STS: variants seen among roughly 807,000 people sequenced by gnomAD.
STS encodes steroid sulfatase, also known as steryl-sulfatase.
A neutral mutation model predicts 26.8 loss-of-function variants in STS; 7 were observed. The ratio of observed to expected loss-of-function variants is 0.26; its 90% confidence interval spans 0.15 to 0.49. STS has a LOEUF of 0.49. Among genes scored for constraint, STS ranks in the 20% least tolerant of loss-of-function variants. STS has a pLI of 0.98. For missense variants in STS, 434 were observed against 465.6 expected, an observed-to-expected ratio of 0.93 and a Z score of 0.63; for synonymous variants, 199 against 189.4, an observed-to-expected ratio of 1.05 and a Z score of -0.42.
rs960433357 is a variant in STS at position 7,191,009 on chromosome X, G to A, written c.-5+1G>A. On this transcript the variant is annotated splice_donor_variant, in intron 2 of 10. Transcript: ENST00000674429. LOFTEE classifies it low-confidence loss of function (5UTR_SPLICE). ...AAGATCGTCTTCAGCTGTTCATAGC[G>A]TAAGTATGAGAGGTGCATATGTTTG... 1.2e-4 allele frequency: 92 copies of A among 750,233 alleles called. 1 individual carries two copies. Among genetic ancestry groups the A allele is most frequent in the Admixed American group, 1.8e-4 (2 of 11,252 alleles). The allele number at this position is 750,233 out of a possible 1,213,427, so 61.8% of individuals were successfully genotyped here. A position where few individuals can be genotyped will look rare whatever the true frequency, so the allele number is the denominator to read the frequency against.
intron 2 of STS, among the ~76,000 whole-genome samples, chrX:7,251,727 G>A (rs113060963): frequency 0.02 from 2,285 of 111,730 alleles, 49 homozygotes; most frequent in African/African-American, 0.068. Flanking sequence ...AGACTGACAT[G>A]GGAGGATCAC....
intron 2 of STS, among the ~76,000 whole-genome samples, chrX:7,209,590 ATAT>A (rs1376615486): frequency 1.9e-5 from 2 of 106,904 alleles, no homozygotes; most frequent in African/African-American, 6.7e-5. Flanking sequence ...ATTTATTTTC[ATAT>A]TATTTATTTT....
At chrX:7,275,223 T>C (rs1197719759) in intron 6 of STS, among the ~76,000 whole-genome samples, 1 of 111,641 alleles carries the variant, frequency 9.0e-6, no homozygotes, top group Non-Finnish European at 1.9e-5. Flanking sequence ...TGGGGATGTA[T>C]TGCATTACAT....
At chrX:7,270,412 T>G (rs145766615) in intron 6 of STS, among the ~76,000 whole-genome samples, 1 of 111,709 alleles carries the variant, frequency 9.0e-6, no homozygotes, top group African/African-American at 3.3e-5. Flanking sequence ...GCACAGGCTG[T>G]CAGTTACACC....
At chrX:7,200,606 G>A (rs753404326) in intron 2 of STS, among the ~76,000 whole-genome samples, 2 of 111,158 alleles carry the variant, frequency 1.8e-5, no homozygotes, top group African/African-American at 3.3e-5. Context: ...ATGATTTTTC[G>A]TTTGTGTGTT....
chrX:7,262,924 G>A (rs898608412), intron 6 of STS, among the ~76,000 whole-genome samples: 10 of 112,155 alleles, frequency 8.9e-5, no homozygotes, highest in Non-Finnish European at 1.7e-4. Context: ...TTATAGATAG[G>A]TGTAAACTAA....
intron 2 of STS, among the ~76,000 whole-genome samples, chrX:7,250,697 G>C (rs1475809325): frequency 8.9e-6 from 1 of 112,393 alleles, no homozygotes; most frequent in African/African-American, 3.2e-5. Context: ...ATATCTGTTT[G>C]AACATGTTAA....
At chrX:7,169,952 C>T (rs185550608) in intron 1 of STS, among the ~76,000 whole-genome samples, 18 of 110,512 alleles carry the variant, frequency 1.6e-4, no homozygotes, top group African/African-American at 5.6e-4. Flanking sequence ...GGTGAGCTGA[C>T]TTAGTGCTCA....
rs1249802492 is a variant in STS at position 7,227,165 on chromosome X, C to G, written c.-4-26031C>G. Among the ~76,000 whole-genome samples, 5 of 111,280 alleles carry G rather than the reference C, an allele frequency of 4.5e-5. No homozygotes were observed. In the Admixed American group the frequency reaches 4.8e-4, roughly 11 times the overall value. On this transcript the variant is annotated intron_variant, in intron 2 of 10. Transcript: ENST00000674429. Reference sequence around the variant, plus strand: ...ATTCCTTTTTTATTATTGATTTGTTCTTTACATATTCTGGATATAAATCCT... The same window carrying G: ...ATTCCTTTTTTATTATTGATTTGTTGTTTACATATTCTGGATATAAATCCT...
At position 7,150,740 on chromosome X, in the gene STS, T is replaced by TA. The variant is rs1253920959; in HGVS notation, c.-134+2670dup. On this transcript the variant is annotated intron_variant, in intron 1 of 10. Coordinates refer to ENST00000674429, the MANE Select transcript of STS (RefSeq NM_001320752.2). ...ATAAGATGGAAGACTCCTCTTTGCT[T>TA]AAAAAAAAAAAAACAAACTGAATGG... Among the ~76,000 whole-genome samples the TA allele has an allele frequency of 6.7e-3, 670 of 100,629 alleles. 5 individuals carry two copies. The highest frequency in any genetic ancestry group is 0.017 in the African/African-American group (462 of 27,865). The allele number at this position is 100,629 out of a possible 115,157, so 87.4% of individuals were successfully genotyped here.
In STS at chrX:7,228,162, G is replaced by A. The variant is rs767253197; in HGVS notation, c.-4-25034G>A. Among the ~76,000 whole-genome samples the A allele has an allele frequency of 2.7e-5, 3 of 111,321 alleles. No homozygotes were observed. In the South Asian group the frequency reaches 1.2e-3, roughly 43 times the overall value. ...TAGGTTGCTTCCATATCTTGGCTAT[G>A]GTGAATAGTACTGCAGTGAGCAGAG... On this transcript the variant is annotated intron_variant, in intron 2 of 10. Transcript: ENST00000674429.
chrX:7,350,900 TACAC>T lies in STS; in HGVS notation c.*649_*652del, dbSNP rs748089360. ...CATCATATATATAGTTATGCATACA[TACAC>T]ACACACACATACAGTATATTCTTTC... On this transcript the variant is annotated 3_prime_UTR_variant, in exon 11 of 11. Transcript: ENST00000674429. 1 of 112,112 alleles carries T rather than the reference TACAC, an allele frequency of 8.9e-6. No individual in the cohort carries two copies. The highest frequency in any genetic ancestry group is 1.9e-5 in the Non-Finnish European group (1 of 53,515). 9.2% of individuals were successfully genotyped at this position (112,112 alleles called of 1,213,427 possible).
chrX:7,285,918 C>T (rs184993255), intron 7 of STS, among the ~76,000 whole-genome samples: 93 of 111,925 alleles, frequency 8.3e-4, no homozygotes, highest in African/African-American at 2.9e-3. Context: ...CCTTATGAGT[C>T]TGCCGCTGAT....
intron 1 of STS, among the ~76,000 whole-genome samples, chrX:7,175,179 TAAAAAAAA>T (rs143220502): frequency 7.1e-5 from 3 of 42,087 alleles, no homozygotes; most frequent in African/African-American, 9.4e-5. Context: ...TCTGAGCTGG[TAAAAAAAA>T]AAAAAAAAAA....
intron 9 of STS, among the ~76,000 whole-genome samples, chrX:7,325,994 A>G (rs1478048524): frequency 9.0e-6 from 1 of 111,615 alleles, no homozygotes; most frequent in African/African-American, 3.3e-5. Context: ...AGGCAGGGGG[A>G]AAGTTGGAGT....
chrX:7,308,580 G>A (rs1000392299), intron 8 of STS, among the ~76,000 whole-genome samples: 11 of 111,539 alleles, frequency 9.9e-5, no homozygotes, highest in Non-Finnish European at 2.1e-4. Context: ...ATACAACCCT[G>A]CAAGCATGTC....
intron 2 of STS, among the ~76,000 whole-genome samples, chrX:7,241,065 A>G (rs1922594175): frequency 9.0e-6 from 1 of 111,519 alleles, no homozygotes; most frequent in Admixed American, 9.6e-5. Context: ...TCACAGTCAG[A>G]CTTTTGCATG....
intron 5 of STS, 50 bp downstream of exon 5, chrX:7,257,638 G>C: frequency 8.3e-7 from 1 of 1,200,487 alleles, no homozygotes; most frequent in Non-Finnish European, 1.1e-6. Context: ...GGAATGGGAG[G>C]GAGGACTTGG....
intron 1 of STS, among the ~76,000 whole-genome samples, chrX:7,155,633 G>A (rs1317162263): frequency 1.8e-5 from 2 of 111,598 alleles, no homozygotes; most frequent in African/African-American, 3.3e-5. Flanking sequence ...ATTCACAAAT[G>A]TATATGTTAA....
Sources: gnomAD v4.1 joint callset for allele counts (sites outside exome capture counted in the v4.1 genomes callset) on GRCh38, gnomAD v4.1.1 for gene constraint, MANE v1.5 for transcripts, NCBI Gene and HGNC (gene_info 2026-07-23, HGNC 2026-07-21) for gene names.